Variants in KCNIP4 observed in about 807,000 individuals in gnomAD.
The protein encoded by KCNIP4 is potassium voltage-gated channel interacting protein 4.
A neutral mutation model predicts 34.0 loss-of-function variants in KCNIP4; 12 were observed. That is an observed-to-expected ratio of 0.35 (90% CI 0.23 to 0.57). The LOEUF is 0.57. Among genes scored for constraint, KCNIP4 ranks in the 20% least tolerant of loss-of-function variants. The pLI is 0.83. For missense variants in KCNIP4, 238 were observed against 311.7 expected, an observed-to-expected ratio of 0.76 and a Z score of 1.78; for synonymous variants, 124 against 102.2, an observed-to-expected ratio of 1.21 and a Z score of -1.29.
intron 1 of KCNIP4, among the ~76,000 whole-genome samples, chr4:21,493,261 G>C (rs764902005): frequency 6.6e-6 from 1 of 152,022 alleles, no homozygotes; most frequent in Non-Finnish European, 1.5e-5. Flanking sequence ...AAACACTGGG[G>C]CTTCTTTGCC....
chr4:21,848,506 T>A (rs571634284), intron 1 of KCNIP4: 1 of 152,254 alleles, frequency 6.6e-6, no homozygotes, highest in East Asian at 1.9e-4. Context: ...ACAAGCAGAA[T>A]CCATCATCAT....
At chr4:21,124,224 A>G (rs891293802) in intron 1 of KCNIP4, among the ~76,000 whole-genome samples, 2 of 152,164 alleles carry the variant, frequency 1.3e-5, no homozygotes, top group Non-Finnish European at 2.9e-5. Context: ...AAGTCCCACT[A>G]TACATTTATG....
intron 1 of KCNIP4, among the ~76,000 whole-genome samples, chr4:21,118,109 C>T (rs1024569963): frequency 1.2e-4 from 18 of 152,076 alleles, no homozygotes; most frequent in African/African-American, 3.4e-4. Flanking sequence ...TGTGTCTATG[C>T]GTGATTCAGT....
chr4:21,879,919 T>TC (rs1303031450), intron 1 of KCNIP4, among the ~76,000 whole-genome samples: 3 of 152,030 alleles, frequency 2.0e-5, no homozygotes, highest in Non-Finnish European at 4.4e-5. Context: ...GGGCTTTTTT[T>TC]CCCCACTTTC....
chr4:21,288,908 A>AT (rs1198944681), intron 1 of KCNIP4, among the ~76,000 whole-genome samples: 1 of 152,100 alleles, frequency 6.6e-6, no homozygotes, highest in East Asian at 1.9e-4. Flanking sequence ...ACAGGATCTC[A>AT]TTTTTTCATG....
At chr4:21,467,736 A>AG (rs1730116503) in intron 1 of KCNIP4, among the ~76,000 whole-genome samples, 1 of 152,156 alleles carries the variant, frequency 6.6e-6, no homozygotes, top group African/African-American at 2.4e-5. Flanking sequence ...TTGGAAAAAA[A>AG]GAGCATGGTG....
chr4:20,968,396 A>G (rs1168939457), intron 1 of KCNIP4, among the ~76,000 whole-genome samples: 2 of 152,184 alleles, frequency 1.3e-5, no homozygotes, highest in Non-Finnish European at 2.9e-5. Flanking sequence ...AGAACCAGAA[A>G]TACCATTTGA....
At chr4:21,264,995 A>G (rs1761704760) in intron 1 of KCNIP4, among the ~76,000 whole-genome samples, 1 of 152,224 alleles carries the variant, frequency 6.6e-6, no homozygotes, top group East Asian at 1.9e-4. Context: ...GCAACTCGGG[A>G]GGCTGAGGCA....
chr4:21,250,001 T>C (rs1260162881), intron 1 of KCNIP4, among the ~76,000 whole-genome samples: 3 of 152,112 alleles, frequency 2.0e-5, no homozygotes, highest in Non-Finnish European at 4.4e-5. Context: ...GGGTTCAGAA[T>C]GGTGATTTCT....
chr4:21,372,390 ATAGT>A lies in KCNIP4; in HGVS notation c.62-489685_62-489682del, dbSNP rs1186488366. On this transcript the variant is annotated intron_variant, in intron 1 of 8. Coordinates refer to ENST00000382152, the MANE Select transcript of KCNIP4 (RefSeq NM_025221.6). ...GATAGATAGATAGATAGATAGATAG[ATAGT>A]TAGATAGACAGACAGACAGATACAG... Among the ~76,000 whole-genome samples, 166 of 147,014 alleles carry A rather than the reference ATAGT, an allele frequency of 1.1e-3. 30 individuals carry two copies. The highest frequency in any genetic ancestry group is 4.2e-3 in the African/African-American group (153 of 36,788).
chr4:20,876,425 ATAAAG>A (rs1724039572), intron 2 of KCNIP4, among the ~76,000 whole-genome samples: 4 of 152,338 alleles, frequency 2.6e-5, no homozygotes, highest in Non-Finnish European at 5.9e-5. Context: ...TTGTGCTTAC[ATAAAG>A]TATAGTAGCT....
At chr4:21,832,741 TC>T (rs1446178098) in intron 1 of KCNIP4, among the ~76,000 whole-genome samples, 2 of 62,562 alleles carry the variant, frequency 3.2e-5, no homozygotes, top group Non-Finnish European at 6.0e-5. Flanking sequence ...CCCTCCCCCC[TC>T]CCCCCACCCC....
chr4:21,535,555 C>T (rs151310416), intron 1 of KCNIP4, among the ~76,000 whole-genome samples: 178 of 152,154 alleles, frequency 1.2e-3, no homozygotes, highest in East Asian at 3.5e-3. Context: ...AAGCTAGCAA[C>T]GACAAATGAA....
intron 1 of KCNIP4, among the ~76,000 whole-genome samples, chr4:21,019,200 T>A (rs1351021335): frequency 6.6e-6 from 1 of 152,224 alleles, no homozygotes; most frequent in East Asian, 1.9e-4. Flanking sequence ...CTGTTGCCCA[T>A]GCTGGAGTGC....
intron 1 of KCNIP4, among the ~76,000 whole-genome samples, chr4:21,819,449 G>A (rs191163876): frequency 1.2e-4 from 18 of 152,206 alleles, no homozygotes; most frequent in African/African-American, 3.9e-4. Flanking sequence ...TTTCCTTCAC[G>A]TGTAACCTGA....
chr4:21,554,503 GATA>G (rs1288868415), intron 1 of KCNIP4, among the ~76,000 whole-genome samples: 1 of 152,126 alleles, frequency 6.6e-6, no homozygotes, highest in Non-Finnish European at 1.5e-5. Flanking sequence ...TAATTGCTCT[GATA>G]ATGAGAAAAC....
At chr4:20,852,479 T>C (rs1721141309) in intron 2 of KCNIP4, among the ~76,000 whole-genome samples, 1 of 152,112 alleles carries the variant, frequency 6.6e-6, no homozygotes, top group Non-Finnish European at 1.5e-5. Context: ...CATACCTTAA[T>C]GTAATAAAAG....
intron 3 of KCNIP4, among the ~76,000 whole-genome samples, chr4:20,813,683 T>C (rs1256380200): frequency 6.6e-6 from 1 of 152,178 alleles, no homozygotes; most frequent in African/African-American, 2.4e-5. Flanking sequence ...AGAAATAATG[T>C]CAAATATAAG....
chr4:21,055,158 A>G (rs557638360), intron 1 of KCNIP4, among the ~76,000 whole-genome samples: 1 of 152,334 alleles, frequency 6.6e-6, no homozygotes, highest in African/African-American at 2.4e-5. Flanking sequence ...GAAATAGCAT[A>G]TGAAAAGATG....
Sources: gnomAD v4.1 joint callset for allele counts (sites outside exome capture counted in the v4.1 genomes callset) on GRCh38, gnomAD v4.1.1 for gene constraint, MANE v1.5 for transcripts, NCBI Gene and HGNC (gene_info 2026-07-23, HGNC 2026-07-21) for gene names.